The following ELAVL2 variants were observed in gnomAD, a reference collection of about 807,000 sequenced individuals.
ELAVL2 encodes the protein ELAV like RNA binding protein 2, also known as ELAV-like protein 2.
ELAVL2 carries 4 observed loss-of-function variants against 34.6 expected under a neutral mutation model. The ratio of observed to expected loss-of-function variants is 0.12; its 90% confidence interval spans 0.06 to 0.26. The LOEUF (loss-of-function observed/expected upper bound fraction) is 0.26. Ranked by LOEUF, ELAVL2 falls within the 10% of genes least tolerant of loss-of-function variation. The pLI is 1.00. For missense variants in ELAVL2, 432 were observed against 442.8 expected (o/e 0.98, Z 0.22); for synonymous variants, 193 against 154.8 (o/e 1.25, Z -1.83).
intron 1 of ELAVL2, among the ~76,000 whole-genome samples, chr9:23,814,628 T>C (rs552312088): frequency 6.6e-6 from 1 of 152,114 alleles, no homozygotes; most frequent in South Asian, 2.1e-4. Flanking sequence ...CCTGGGGAGA[T>C]CAAAAGTGGT....
intron 1 of ELAVL2, among the ~76,000 whole-genome samples, chr9:23,814,653 A>T (rs763222025): frequency 5.9e-5 from 9 of 152,148 alleles, no homozygotes; most frequent in Non-Finnish European, 1.3e-4. Context: ...AATAAACTCA[A>T]ATAGAAATAG....
At chr9:23,725,767 A>G (rs925526772) in intron 3 of ELAVL2, among the ~76,000 whole-genome samples, 1 of 152,164 alleles carries the variant, frequency 6.6e-6, no homozygotes. Flanking sequence ...TCTTCAGGAG[A>G]GGTTGCTGCT....
chr9:23,821,805 C>T (rs1164335615), intron 1 of ELAVL2: 2 of 151,528 alleles, frequency 1.3e-5, no homozygotes, highest in African/African-American at 4.8e-5. Context: ...ACCCGGCCGG[C>T]TACTGCCTCA....
chr9:23,771,916 G>A (rs1013315990), intron 1 of ELAVL2, among the ~76,000 whole-genome samples: 1 of 152,124 alleles, frequency 6.6e-6, no homozygotes, highest in African/African-American at 2.4e-5. Flanking sequence ...ATTACCTTCT[G>A]GTGATGAATC....
At chr9:23,763,417 C>A (rs13284945) in intron 1 of ELAVL2, among the ~76,000 whole-genome samples, 4,971 of 152,146 alleles carry the variant, frequency 0.033, 90 homozygotes, top group East Asian at 0.074. Flanking sequence ...TAAAAATCAA[C>A]GCATCACTGA....
intron 1 of ELAVL2, among the ~76,000 whole-genome samples, chr9:23,810,274 T>A (rs2062804434): frequency 6.6e-6 from 1 of 152,068 alleles, no homozygotes; most frequent in Admixed American, 6.6e-5. Flanking sequence ...GTCACCAGCC[T>A]GTGATGGAAA....
chr9:23,814,195 T>A (rs552587856), intron 1 of ELAVL2, among the ~76,000 whole-genome samples: 1 of 152,296 alleles, frequency 6.6e-6, no homozygotes, highest in East Asian at 1.9e-4. Context: ...CACAAATAAT[T>A]TGTCCACTGA....
At chr9:23,808,551 A>G (rs2062552245) in intron 1 of ELAVL2, among the ~76,000 whole-genome samples, 1 of 152,166 alleles carries the variant, frequency 6.6e-6, no homozygotes, top group South Asian at 2.1e-4. Flanking sequence ...GACAATCAAA[A>G]AGAGCAAAAT....
At chr9:23,737,045 C>T (rs578042797) in intron 2 of ELAVL2, among the ~76,000 whole-genome samples, 14 of 152,290 alleles carry the variant, frequency 9.2e-5, no homozygotes, top group African/African-American at 3.1e-4. Flanking sequence ...GTGCTCCTCT[C>T]GACTAGTCCT....
chr9:23,715,100 T>C (rs1031182386), intron 3 of ELAVL2, among the ~76,000 whole-genome samples: 1 of 152,174 alleles, frequency 6.6e-6, no homozygotes. Flanking sequence ...TCTCACATAG[T>C]CCCACCCACC....
intron 5 of ELAVL2, among the ~76,000 whole-genome samples, chr9:23,695,146 C>T (rs2034684562): frequency 6.6e-6 from 1 of 152,230 alleles, no homozygotes; most frequent in African/African-American, 2.4e-5. Flanking sequence ...ATAAGGATCA[C>T]AACTACCAGC....
chr9:23,766,630 T>C (rs1173950955), intron 1 of ELAVL2, among the ~76,000 whole-genome samples: 4 of 152,076 alleles, frequency 2.6e-5, no homozygotes, highest in African/African-American at 7.2e-5. Context: ...AGGAAGGCTG[T>C]GTATGGAAAA....
At chr9:23,777,131 A>G (rs2058335330) in intron 1 of ELAVL2, among the ~76,000 whole-genome samples, 1 of 152,176 alleles carries the variant, frequency 6.6e-6, no homozygotes, top group Non-Finnish European at 1.5e-5. Flanking sequence ...TGTTGATAAA[A>G]CTTTCAGGAA....
At chr9:23,752,971 T>C (rs1460645829) in intron 2 of ELAVL2, among the ~76,000 whole-genome samples, 1 of 152,182 alleles carries the variant, frequency 6.6e-6, no homozygotes, top group African/African-American at 2.4e-5. Context: ...GAGCAGCAAA[T>C]GCTACTCTGT....
chr9:23,731,889 C>A (rs982667961), intron 2 of ELAVL2, among the ~76,000 whole-genome samples: 2 of 152,116 alleles, frequency 1.3e-5, no homozygotes, highest in Admixed American at 6.6e-5. Context: ...ACCCTCCCCC[C>A]ATCATCTGAG....
chr9:23,823,226 CAGTA>C (rs2065054109), intron 1 of ELAVL2, among the ~76,000 whole-genome samples: 1 of 152,188 alleles, frequency 6.6e-6, no homozygotes, highest in Non-Finnish European at 1.5e-5. Flanking sequence ...TTTGACCTCT[CAGTA>C]AATAGTTAAT....
At chr9:23,710,109 A>G (rs981175338) in intron 3 of ELAVL2, among the ~76,000 whole-genome samples, 7 of 152,210 alleles carry the variant, frequency 4.6e-5, no homozygotes, top group African/African-American at 1.7e-4. Context: ...ACTAGACAAA[A>G]TAAAGATAGA....
At chr9:23,834,390 T>A in the ELAVL2 span, among the ~76,000 whole-genome samples, 1 of 151,986 alleles carries the variant, frequency 6.6e-6, no homozygotes. Context: ...ACACATGGAT[T>A]TGAACCTGAT....
chr9:23,797,905 G>A (rs561351380), intron 1 of ELAVL2, among the ~76,000 whole-genome samples: 120 of 151,868 alleles, frequency 7.9e-4, no homozygotes, highest in African/African-American at 2.6e-3. Flanking sequence ...TCCAGCTTGC[G>A]CAACAAGAGT....
Sources: gnomAD v4.1 joint callset for allele counts (sites outside exome capture counted in the v4.1 genomes callset) on GRCh38, gnomAD v4.1.1 for gene constraint, MANE v1.5 for transcripts, NCBI Gene and HGNC (gene_info 2026-07-23, HGNC 2026-07-21) for gene names.